SF1: variants seen among roughly 807,000 people sequenced by gnomAD.
SF1 encodes the protein splicing factor 1.
In SF1, 7 loss-of-function variants were observed where a neutral mutation model predicts 62.5. That is an observed-to-expected ratio of 0.11 (90% CI 0.06 to 0.21). The LOEUF (loss-of-function observed/expected upper bound fraction) is 0.21. Among genes scored for constraint, SF1 ranks in the 10% least tolerant of loss-of-function variants. The pLI is 1.00. For missense variants in SF1, 578 were observed against 884.0 expected (o/e 0.65, Z 4.39); for synonymous variants, 394 against 323.6 (o/e 1.22, Z -2.33).
At position 64,766,647 on chromosome 11, in the gene SF1, C is replaced by T. The variant is rs2058693242; in HGVS notation, c.1582+253G>A. The stretch of plus-strand genomic sequence containing the variant: ...AGCCTGCGAGGGTCTGGACTTCTGG[C>T]CCCCTACCTACAATAGCAGGCTCCC... On this transcript the variant is annotated intron_variant, in intron 12 of 12. Transcript: ENST00000377390. 3 of 441,448 alleles carry T rather than the reference C, an allele frequency of 6.8e-6. No individual in the cohort carries two copies. In the East Asian group the frequency reaches 1.1e-4, roughly 16 times the overall value. The allele number at this position is 441,448 out of a possible 1,614,324, so 27.3% of individuals were successfully genotyped here. A position where few individuals can be genotyped will look rare whatever the true frequency, so the allele number is the denominator to read the frequency against.
chr11:64,775,090 G>A (rs1209253407), intron 2 of SF1, among the ~76,000 whole-genome samples: 2 of 152,142 alleles, frequency 1.3e-5, no homozygotes, highest in East Asian at 3.8e-4. Flanking sequence ...CTTTGCAGTT[G>A]AGTATTAAGC....
chr11:64,769,640 C>T, intron 5 of SF1, 31 bp from the exon 6 acceptor site: 2 of 1,584,610 alleles, frequency 1.3e-6, no homozygotes, highest in Non-Finnish European at 1.7e-6. Flanking sequence ...AAGTTTATAC[C>T]TGACAAATTC....
At chr11:64,773,241 G>A in intron 3 of SF1, 189 bp downstream of exon 3, 2 of 1,398,620 alleles carry the variant, frequency 1.4e-6, no homozygotes, top group South Asian at 3.2e-5. Context: ...ACATTTTTAA[G>A]TTTTATTCCA....
rs760572656 is a variant in SF1 at position 64,765,392 on chromosome 11, G to T, written c.*426C>A. The T allele has an allele frequency of 1.7e-6, 2 of 1,207,542 alleles. No homozygotes were observed. The highest frequency in any genetic ancestry group is 2.5e-5 in the South Asian group (2 of 79,974). 74.8% of individuals were successfully genotyped at this position (1,207,542 alleles called of 1,614,324 possible). Reference sequence around the variant, plus strand: ...CGATTCCGTCCACAAAAATAACTCAGGCTGCTTTGCCGAACCATCCTGTCC... The same window carrying T: ...CGATTCCGTCCACAAAAATAACTCATGCTGCTTTGCCGAACCATCCTGTCC... On this transcript the variant is annotated 3_prime_UTR_variant, in exon 13 of 13. Transcript: ENST00000377390.
intron 3 of SF1, 150 bp from the exon 4 acceptor site, chr11:64,770,558 C>T (rs188706883): frequency 8.8e-6 from 7 of 795,090 alleles, no homozygotes; most frequent in African/African-American, 1.7e-5. Context: ...TACTCAAGAT[C>T]GTGTGGAATG....
chr11:64,773,605 G>T, intron 2 of SF1, 100 bp from the exon 3 acceptor site: 1 of 1,348,968 alleles, frequency 7.4e-7, no homozygotes, highest in Non-Finnish European at 1.0e-6. Context: ...AGAACTCGGA[G>T]ACTTTGAAAG....
Position 64,765,495 on chromosome 11 carries a change from C to T in SF1, c.*323G>A. The T allele has an allele frequency of 6.2e-7, 1 of 1,611,720 alleles. No individual in the cohort carries two copies. Among genetic ancestry groups the T allele is most frequent in the Non-Finnish European group, 8.5e-7 (1 of 1,179,128 alleles). On this transcript the variant is annotated 3_prime_UTR_variant, in exon 13 of 13. Coordinates refer to ENST00000377390, the MANE Select transcript of SF1 (RefSeq NM_004630.4). ...AAAGTCCTCACTCTCATGGCTCGGG[C>T]CATCGCCGCCGCGGGGAGGGATCCT... is the stretch of plus-strand genomic sequence containing the variant.
chr11:64,773,655 A>G, intron 2 of SF1, 150 bp from the exon 3 acceptor site: 1 of 818,504 alleles, frequency 1.2e-6, no homozygotes, highest in South Asian at 1.9e-5. Flanking sequence ...AAAAACCCCC[A>G]ACCACCTATC....
rs148875917 is a variant in SF1 at position 64,769,420 on chromosome 11, G to A, written c.663+6C>T. 1.3e-3 allele frequency: 2,025 copies of A among 1,614,054 alleles called. 25 individuals carry two copies. The African/African-American group carries it at 0.023, about 19-fold the overall frequency. On this transcript the variant is annotated splice_donor_region_variant and intron_variant, in intron 6 of 12. Coordinates refer to ENST00000377390, the MANE Select transcript of SF1 (RefSeq NM_004630.4). The stretch of plus-strand genomic sequence containing the variant: ...AGGAGGCTTCCTTTCTGGGCTCACC[G>A]CTCACCTGTTCCACTGCCTTTTTGA...
chr11:64,775,708 A>G (rs1565582394), intron 2 of SF1, among the ~76,000 whole-genome samples: 1 of 152,242 alleles, frequency 6.6e-6, no homozygotes, highest in Admixed American at 6.5e-5. Context: ...AGACAGCTGC[A>G]CAGGTATATA....
At chr11:64,766,866 A>G in intron 12 of SF1, 34 bp downstream of exon 12, 5 of 181,354 alleles carry the variant, frequency 2.8e-5, no homozygotes, top group South Asian at 9.2e-5. Context: ...CCCCCATCCC[A>G]CCCACCCCCA....
chr11:64,772,990 T>A, intron 3 of SF1: 5 of 994,652 alleles, frequency 5.0e-6, no homozygotes, highest in Non-Finnish European at 6.0e-6. Context: ...ACTGCAGCAA[T>A]GAGCTGACCA....
At chr11:64,766,867 C>G in intron 12 of SF1, 33 bp downstream of exon 12, 2 of 1,013,838 alleles carry the variant, frequency 2.0e-6, no homozygotes, top group Non-Finnish European at 2.8e-6. Context: ...CCCCATCCCA[C>G]CCACCCCCAC....
In SF1 at chr11:64,778,475, C is replaced by T. The variant is rs1261915893; in HGVS notation, c.-83G>A. 3 of 1,203,774 alleles carry T rather than the reference C, an allele frequency of 2.5e-6. No individual in the cohort carries two copies. The highest frequency in any genetic ancestry group is 3.1e-6 in the Non-Finnish European group (3 of 969,366). The allele number at this position is 1,203,774 out of a possible 1,614,324, so 74.6% of individuals were successfully genotyped here. On this transcript the variant is annotated 5_prime_UTR_variant, in exon 1 of 13. Transcript: ENST00000377390. Reference sequence around the variant, plus strand: ...GCAAGCCTCCCGGGGGGAGGGGACCCGAATGCGCTGCCGGAGCGCGCGGAG... The same window carrying T: ...GCAAGCCTCCCGGGGGGAGGGGACCTGAATGCGCTGCCGGAGCGCGCGGAG...
chr11:64,767,177 G>A lies in SF1; in HGVS notation c.1402+15C>T, dbSNP rs768378599. The A allele has an allele frequency of 5.0e-6, 8 of 1,613,874 alleles. No individual in the cohort carries two copies. The East Asian group carries it at 1.8e-4, about 36-fold the overall frequency. On this transcript the variant is annotated intron_variant, in intron 11 of 12. Coordinates refer to ENST00000377390, the MANE Select transcript of SF1 (RefSeq NM_004630.4). ...AAGCCTAGGTGAAGACCCACAGCCA[G>A]CAGACAGCCATTACCTTTTCCTTGA...
chr11:64,767,159 G>A, intron 11 of SF1, 33 bp downstream of exon 11: 3 of 1,613,770 alleles, frequency 1.9e-6, no homozygotes, highest in South Asian at 2.2e-5. Flanking sequence ...CCCAAGCCTA[G>A]GTGAAGACCC....
At position 64,767,597 on chromosome 11, in the gene SF1, G is replaced by T. The variant is rs774506949; in HGVS notation, c.1316C>A (p.Pro439His). 5.1e-6 allele frequency: 8 copies of T among 1,576,436 alleles called. No individual in the cohort carries two copies. The South Asian group carries it at 8.1e-5, about 16-fold the overall frequency. Residue 439 changes from proline (P) to histidine (H), a missense_variant, in exon 10 of 13, where the codon CCT (proline) becomes CAT (histidine). Physicochemically the swap from Pro to His is moderately conservative, Grantham distance 77. Around this residue, in one of 7 missense-constraint regions of SF1, gnomAD observed 410 missense variants for 452.4 expected, o/e 0.91. Coordinates refer to ENST00000377390, the MANE Select transcript of SF1 (RefSeq NM_004630.4). ...PPPMNQGPHPPGHHGPPPMDQ... is the reference protein window; with the variant it reads ...PPPMNQGPHPHGHHGPPPMDQ... Reference sequence around the variant, plus strand: ...CATTGGAGGAGGGCCATGGTGCCCAGGAGGGTGGGGGCCCTGGTTCATCGG... The same window carrying T: ...CATTGGAGGAGGGCCATGGTGCCCATGAGGGTGGGGGCCCTGGTTCATCGG...
chr11:64,767,831 G>A lies in SF1; in HGVS notation c.1082C>T (p.Thr361Ile). The change falls in exon 10 of 13, where the codon ACC (threonine) becomes ATC (isoleucine). Residue 361 changes from threonine to isoleucine, a missense_variant. Thr to Ile is a moderately conservative substitution (Grantham distance 89, BLOSUM62 -1). Coordinates refer to ENST00000377390, the MANE Select transcript of SF1 (RefSeq NM_004630.4). ...CATCCAGGGTGGGCGGCTCTGGGTGGTAGACATGAGAGACTACGTGAGAGC... is the reference window on the plus strand; with the variant it reads ...CATCCAGGGTGGGCGGCTCTGGGTGATAGACATGAGAGACTACGTGAGAGC... Reference protein sequence around the residue: ...NNPPPPSLMSTTQSRPPWMNS... With the variant: ...NNPPPPSLMSITQSRPPWMNS... 1 of 1,611,934 alleles carries A rather than the reference G, an allele frequency of 6.2e-7. No individual in the cohort carries two copies. Among genetic ancestry groups the A allele is most frequent in the Non-Finnish European group, 8.5e-7 (1 of 1,179,186 alleles).
rs2135915970 is a variant in SF1, at chr11:64,769,423, C to T, written c.663+3G>A. ...AGGCTTCCTTTCTGGGCTCACCGCT[C>T]ACCTGTTCCACTGCCTTTTTGACGT... On this transcript the variant is annotated splice_donor_region_variant and intron_variant, in intron 6 of 12. Coordinates refer to ENST00000377390, the MANE Select transcript of SF1 (RefSeq NM_004630.4). 1 of 1,614,160 alleles carries T rather than the reference C, an allele frequency of 6.2e-7. No individual in the cohort carries two copies.
Sources: gnomAD v4.1 joint callset for allele counts (sites outside exome capture counted in the v4.1 genomes callset) on GRCh38, gnomAD v4.1.1 for gene constraint, gnomAD v4.1.1 regional missense constraint, MANE v1.5 for transcripts, NCBI Gene and HGNC (gene_info 2026-07-23, HGNC 2026-07-21) for gene names.